IGSF21: variants seen among roughly 807,000 people sequenced by gnomAD.
IGSF21 encodes immunoglobin superfamily member 21.
In IGSF21, 28 loss-of-function variants were observed where a neutral mutation model predicts 46.8. That is an observed-to-expected ratio of 0.60 (90% CI 0.44 to 0.82). The LOEUF is 0.82. Ranked by LOEUF, IGSF21 falls within the 40% of genes least tolerant of loss-of-function variation. IGSF21 has a pLI of 0.00. For synonymous variants in IGSF21, 284 were observed against 273.6 expected, an observed-to-expected ratio of 1.04 and a Z score of -0.38; for missense variants, 624 against 665.5, an observed-to-expected ratio of 0.94 and a Z score of 0.69.
chr1:18,145,768 C>T (rs1419978946), intron 1 of IGSF21, among the ~76,000 whole-genome samples: 2 of 152,294 alleles, frequency 1.3e-5, no homozygotes, highest in Admixed American at 6.5e-5. Flanking sequence ...GGGCACCTGC[C>T]GGCTGAGCGT....
intron 1 of IGSF21, among the ~76,000 whole-genome samples, chr1:18,222,873 C>T (rs2084524587): frequency 6.6e-6 from 1 of 152,194 alleles, no homozygotes; most frequent in Non-Finnish European, 1.5e-5. Context: ...TATATGAACC[C>T]TTGCCATCTC....
chr1:18,286,559 G>A (rs1470933050), intron 2 of IGSF21, among the ~76,000 whole-genome samples: 2 of 152,196 alleles, frequency 1.3e-5, no homozygotes, highest in Admixed American at 1.3e-4. Flanking sequence ...TATCATTAAT[G>A]CTGGGAGCTT....
intron 1 of IGSF21, among the ~76,000 whole-genome samples, chr1:18,157,686 G>A (rs1273101881): frequency 6.6e-6 from 1 of 152,224 alleles, no homozygotes; most frequent in East Asian, 1.9e-4. Flanking sequence ...GGGATGCTAA[G>A]TGCCTATTTT....
At chr1:18,130,756 G>A (rs142918711) in intron 1 of IGSF21, among the ~76,000 whole-genome samples, 1 of 152,176 alleles carries the variant, frequency 6.6e-6, no homozygotes. Flanking sequence ...GAAAAAAAAT[G>A]TTACCTGAGA....
At chr1:18,308,323 C>G (rs925167448) in intron 3 of IGSF21, among the ~76,000 whole-genome samples, 2 of 152,174 alleles carry the variant, frequency 1.3e-5, no homozygotes, top group Non-Finnish European at 2.9e-5. Context: ...ACCTTCTGGC[C>G]TTGAGACATC....
At chr1:18,180,849 A>C (rs1041194297) in intron 1 of IGSF21, among the ~76,000 whole-genome samples, 1 of 152,242 alleles carries the variant, frequency 6.6e-6, no homozygotes, top group South Asian at 2.1e-4. Flanking sequence ...ATGAAGTTAG[A>C]TAACTCGTTT....
intron 5 of IGSF21, among the ~76,000 whole-genome samples, chr1:18,362,739 G>T (rs1422771974): frequency 6.6e-6 from 1 of 152,186 alleles, no homozygotes; most frequent in South Asian, 2.1e-4. Context: ...AAGGGAGAAA[G>T]GGAGGGAAGA....
intron 1 of IGSF21, among the ~76,000 whole-genome samples, chr1:18,168,955 G>T (rs1392489125): frequency 6.6e-6 from 1 of 152,226 alleles, no homozygotes; most frequent in African/African-American, 2.4e-5. Flanking sequence ...GAAGAGCCCT[G>T]TGTGTGGAGG....
At chr1:18,294,843 TGGG>T (rs1420976659) in intron 3 of IGSF21, among the ~76,000 whole-genome samples, 1 of 152,250 alleles carries the variant, frequency 6.6e-6, no homozygotes, top group Non-Finnish European at 1.5e-5. Flanking sequence ...CCAGCCATGC[TGGG>T]GGCGACTGCC....
chr1:18,153,206 G>A (rs2086536434), intron 1 of IGSF21, among the ~76,000 whole-genome samples: 1 of 152,228 alleles, frequency 6.6e-6, no homozygotes, highest in South Asian at 2.1e-4. Flanking sequence ...GAGGCCAAGA[G>A]AGTGATGGAG....
intron 1 of IGSF21, among the ~76,000 whole-genome samples, chr1:18,211,150 G>A (rs571934801): frequency 2.0e-4 from 31 of 152,320 alleles, no homozygotes; most frequent in Admixed American, 6.5e-4. Context: ...GGGATTACAG[G>A]CATGAGCCAC....
intron 3 of IGSF21, among the ~76,000 whole-genome samples, chr1:18,306,463 T>C (rs966731542): frequency 6.6e-6 from 1 of 152,206 alleles, no homozygotes; most frequent in African/African-American, 2.4e-5. Flanking sequence ...AAAGCATTGA[T>C]TACTACCCAG....
intron 2 of IGSF21, among the ~76,000 whole-genome samples, chr1:18,275,888 TC>T (rs1384027035): frequency 6.6e-6 from 1 of 152,164 alleles, no homozygotes; most frequent in Non-Finnish European, 1.5e-5. Context: ...GACCTCCCAC[TC>T]CTTTGCCCCC....
rs570508363 is a variant in IGSF21, at chr1:18,375,219, T to A, written c.1016-1091T>A. On this transcript the variant is annotated intron_variant, in intron 6 of 9. Transcript: ENST00000251296. ...CTCTCACCCCTACTGAAGTGGGAGC[T>A]CCATGTCAGCAGGCACTGGGTCTTG... Among the ~76,000 whole-genome samples the A allele has an allele frequency of 1.3e-3, 193 of 152,314 alleles. 1 individual carries two copies. The highest frequency in any genetic ancestry group is 3.8e-3 in the African/African-American group (160 of 41,570).
At chr1:18,220,041 C>T (rs987870815) in intron 1 of IGSF21, among the ~76,000 whole-genome samples, 1 of 150,890 alleles carries the variant, frequency 6.6e-6, no homozygotes, top group Non-Finnish European at 1.5e-5. Context: ...CTCTTGCAGC[C>T]CTGAGTCTGC....
chr1:18,242,036 G>T (rs1001778198), intron 2 of IGSF21, among the ~76,000 whole-genome samples: 1 of 152,138 alleles, frequency 6.6e-6, no homozygotes, highest in African/African-American at 2.4e-5. Context: ...TCTGGACATG[G>T]CTGCTTCAGG....
chr1:18,264,250 G>A (rs561480458), intron 2 of IGSF21, among the ~76,000 whole-genome samples: 7 of 152,066 alleles, frequency 4.6e-5, no homozygotes, highest in South Asian at 4.2e-4. Context: ...CGTTAAGACC[G>A]GCAGCAAGAA....
At chr1:18,248,573 A>G (rs975528302) in intron 2 of IGSF21, among the ~76,000 whole-genome samples, 6 of 152,236 alleles carry the variant, frequency 3.9e-5, no homozygotes, top group African/African-American at 7.2e-5. Flanking sequence ...GATTCATTCA[A>G]TGTGTTCACT....
At chr1:18,377,087 A>C in intron 8 of IGSF21, 95 bp downstream of exon 8, 1 of 1,354,950 alleles carries the variant, frequency 7.4e-7, no homozygotes, top group Non-Finnish European at 9.9e-7. Flanking sequence ...AGGGGCCCAA[A>C]ATTTTGGGCC....
Sources: allele counts gnomAD v4.1 joint callset (sites outside exome capture counted in the v4.1 genomes callset), GRCh38; gene constraint gnomAD v4.1.1; transcripts MANE v1.5; gene names NCBI Gene and HGNC (gene_info 2026-07-23, HGNC 2026-07-21).